The following MGAM variants were observed in gnomAD, a reference collection of about 807,000 sequenced individuals.
MGAM encodes alpha-1,4-glucosidase.
MGAM carries 253 observed loss-of-function variants against 358.8 expected under a neutral mutation model. The observed-to-expected ratio is 0.71, with a 90% CI of 0.64 to 0.78. The LOEUF is 0.78. Among genes scored for constraint, MGAM ranks in the 30% least tolerant of loss-of-function variants. The pLI is 0.00. For synonymous variants in MGAM, 1,105 were observed against 1,227.1 expected, an observed-to-expected ratio of 0.90 and a Z score of 2.08; for missense variants, 3,080 against 3,432.6, an observed-to-expected ratio of 0.90 and a Z score of 2.57.
intron 20 of MGAM, 177 bp from the exon 21 acceptor site, chr7:142,040,545 A>G (rs763776796): frequency 1.0e-5 from 8 of 800,112 alleles, no homozygotes; most frequent in African/African-American, 1.8e-5. Flanking sequence ...CAAACCCCCA[A>G]CTGGTAGCAG....
At chr7:142,026,993 G>GA (rs1201851682) in intron 8 of MGAM, 122 bp from the exon 9 acceptor site, 1 of 681,024 alleles carries the variant, frequency 1.5e-6, no homozygotes, top group Non-Finnish European at 2.5e-6. Flanking sequence ...TTCAAAATGT[G>GA]AGGCACTAGG....
intron 7 of MGAM, among the ~76,000 whole-genome samples, chr7:142,024,350 G>A (rs1348191221): frequency 6.6e-6 from 1 of 151,602 alleles, no homozygotes; most frequent in Non-Finnish European, 1.5e-5. Flanking sequence ...GGAGGTGGAG[G>A]TTACCGTGAG....
intron 21 of MGAM, among the ~76,000 whole-genome samples, chr7:142,045,541 A>T (rs1376567613): frequency 2.0e-4 from 17 of 85,876 alleles, no homozygotes; most frequent in African/African-American, 7.3e-4. Context: ...AATATATATT[A>T]TATATACATA....
At chr7:142,048,836 A>G (rs1810667597) in intron 22 of MGAM, among the ~76,000 whole-genome samples, 1 of 152,162 alleles carries the variant, frequency 6.6e-6, no homozygotes, top group Admixed American at 6.5e-5. Context: ...TTGGCAAATA[A>G]AGATGAAATA....
At position 142,034,771 on chromosome 7, in the gene MGAM, C is replaced by G. The variant is rs1554465216; in HGVS notation, c.1889C>G (p.Thr630Ser). 6.2e-7 allele frequency: 1 copy of G among 1,613,574 alleles called. No homozygotes were observed. Among genetic ancestry groups the G allele is most frequent in the East Asian group, 2.2e-5 (1 of 44,838 alleles). The change falls in exon 16 of 71, where the codon ACT becomes AGT. Residue 630 changes from threonine (T) to serine (S), a missense_variant. Transcript: ENST00000475668. ...KFAAHWLGDN[T>S]ATWDDLRWSI... ...GCAGCACATTGGTTAGGAGACAACA[C>G]TGCCACCTGGGATGACCTGAGATGG...
At position 142,050,611 on chromosome 7, in the gene MGAM, C is replaced by T. The variant is rs6948269; in HGVS notation, c.2638-86C>T. ...GGCATTTATGGCAGTGGGGGGTATCCGGTCTGGAATGGAATATTTGAGTGA... is the reference window on the plus strand; with the variant it reads ...GGCATTTATGGCAGTGGGGGGTATCTGGTCTGGAATGGAATATTTGAGTGA... On this transcript the variant is annotated intron_variant, in intron 23 of 70. Transcript: ENST00000475668. 5,131 of 1,363,596 alleles carry T rather than the reference C, an allele frequency of 3.8e-3. 108 individuals carry two copies. In the African/African-American group the frequency reaches 0.046, roughly 12 times the overall value. 84.5% of individuals were successfully genotyped at this position (1,363,596 alleles called of 1,614,324 possible). A position where few individuals can be genotyped will look rare whatever the true frequency, so the allele number is the denominator to read the frequency against.
chr7:142,045,170 TA>T (rs1483104272), intron 21 of MGAM, among the ~76,000 whole-genome samples: 1 of 78,352 alleles, frequency 1.3e-5, no homozygotes, highest in African/African-American at 5.5e-5. Context: ...ATAATATATA[TA>T]TTATATAACA....
At chr7:142,062,447 C>G in intron 34 of MGAM, 121 bp from the exon 35 acceptor site, 1 of 1,286,040 alleles carries the variant, frequency 7.8e-7, no homozygotes. Context: ...TATTTAGGCC[C>G]TGTTCAGGCT....
In MGAM at chr7:142,106,273, C is replaced by G. The variant is rs1192789349; in HGVS notation, c.*382C>G. On this transcript the variant is annotated 3_prime_UTR_variant, in exon 71 of 71. Transcript: ENST00000475668. Reference sequence around the variant, plus strand: ...AAGAGAAAGCTTTCTGTGACAGTTCCAGGTCTTGAAGCTAATCAGCATCTC... The same window carrying G: ...AAGAGAAAGCTTTCTGTGACAGTTCGAGGTCTTGAAGCTAATCAGCATCTC... The G allele has an allele frequency of 6.4e-6, 1 of 156,690 alleles. No individual in the cohort carries two copies. Among genetic ancestry groups the G allele is most frequent in the African/African-American group, 2.4e-5 (1 of 41,502 alleles). The allele number at this position is 156,690 out of a possible 1,614,324, so 9.7% of individuals were successfully genotyped here.
At chr7:141,998,414 A>G (rs782012353) in intron 1 of MGAM, among the ~76,000 whole-genome samples, 1 of 152,044 alleles carries the variant, frequency 6.6e-6, no homozygotes, top group Non-Finnish European at 1.5e-5. Flanking sequence ...CTAGCCCGCC[A>G]TCCCCTGACA....
chr7:142,022,131 A>T, intron 6 of MGAM, 137 bp from the exon 7 acceptor site: 1 of 803,636 alleles, frequency 1.2e-6, no homozygotes, highest in East Asian at 2.7e-5. Context: ...TCCATAGAAA[A>T]ATGTCACAGG....
rs117979085 is a variant in MGAM, at chr7:142,067,043, A to G, written c.4920-298A>G. Among the ~76,000 whole-genome samples, 4 of 146,548 alleles carry G rather than the reference A, an allele frequency of 2.7e-5. No individual in the cohort carries two copies. The East Asian group carries it at 8.1e-4, about 30-fold the overall frequency. Reference sequence around the variant, plus strand: ...ACCCAGGTCACAAAAGAAGGATTTCAGCAAGAGAATTGAGGGACGAGGGCC... The same window carrying G: ...ACCCAGGTCACAAAAGAAGGATTTCGGCAAGAGAATTGAGGGACGAGGGCC... On this transcript the variant is annotated intron_variant, in intron 41 of 70. Coordinates refer to ENST00000475668, the MANE Select transcript of MGAM (RefSeq NM_001365693.1).
At position 142,092,030 on chromosome 7, in the gene MGAM, T is replaced by G. The variant is rs1815435762; in HGVS notation, c.6928T>G (p.Phe2310Val). 1 of 1,537,930 alleles carries G rather than the reference T, an allele frequency of 6.5e-7. No individual in the cohort carries two copies. Among genetic ancestry groups the G allele is most frequent in the Admixed American group, 1.8e-5 (1 of 55,802 alleles). The change falls in exon 58 of 71, where the codon TTT (phenylalanine) becomes GTT (valine). Residue 2310 changes from phenylalanine (F) to valine (V), a missense_variant. Physicochemically the swap from Phe to Val is conservative, Grantham distance 50. Transcript: ENST00000475668. ...NPQNPERSLK[F>V]DGMWIDMNEP... ...ACAGAATCCAGAGAGGAGCTTGAAG[T>G]TTGATGGCATGTGGATTGTAAGTGT... is the stretch of plus-strand genomic sequence containing the variant.
intron 17 of MGAM, among the ~76,000 whole-genome samples, chr7:142,036,531 C>A (rs1268805935): frequency 2.0e-5 from 3 of 152,166 alleles, no homozygotes; most frequent in Non-Finnish European, 4.4e-5. Context: ...CATCAAACTT[C>A]TGTACGCTTT....
chr7:142,032,033 CTT>C (rs371378447), intron 13 of MGAM, among the ~76,000 whole-genome samples: 2,917 of 122,236 alleles, frequency 0.024, 18 homozygotes, highest in Middle Eastern at 0.091. Flanking sequence ...AAGTCTAGCT[CTT>C]TTTTTTTTTT....
chr7:142,037,578 A>G (rs1364939361), intron 18 of MGAM, among the ~76,000 whole-genome samples: 2 of 152,174 alleles, frequency 1.3e-5, no homozygotes, highest in Non-Finnish European at 2.9e-5. Context: ...GTATCAGGCT[A>G]TTATATATTC....
At chr7:142,079,845 AATGCAGGGATG>A (rs1426593398) in intron 49 of MGAM, among the ~76,000 whole-genome samples, 1 of 146,408 alleles carries the variant, frequency 6.8e-6, no homozygotes, top group Non-Finnish European at 1.5e-5. Context: ...TACATCGTCT[AATGCAGGGATG>A]ATGCTGTTGT....
At chr7:142,033,336 C>T (rs1465458937) in intron 14 of MGAM, among the ~76,000 whole-genome samples, 7 of 152,126 alleles carry the variant, frequency 4.6e-5, no homozygotes, top group African/African-American at 1.4e-4. Flanking sequence ...GATGAAAAGA[C>T]AGAACTCATG....
chr7:142,088,081 C>T (rs1814920137), intron 57 of MGAM, among the ~76,000 whole-genome samples: 2 of 146,108 alleles, frequency 1.4e-5, no homozygotes, highest in Admixed American at 1.4e-4. Flanking sequence ...CAATCTGGAG[C>T]CAGGGACTGA....
Sources: gnomAD v4.1 joint callset for allele counts (sites outside exome capture counted in the v4.1 genomes callset) on GRCh38, gnomAD v4.1.1 for gene constraint, MANE v1.5 for transcripts, NCBI Gene and HGNC (gene_info 2026-07-23, HGNC 2026-07-21) for gene names.